PRH1: variants seen among roughly 807,000 people sequenced by gnomAD.
PRH1 encodes the protein proline rich protein HaeIII subfamily 1.
PRH1 carries 7 observed loss-of-function variants against 7.9 expected under a neutral mutation model. The ratio of observed to expected loss-of-function variants is 0.89; its 90% confidence interval spans 0.50 to 1.67. The LOEUF (loss-of-function observed/expected upper bound fraction) is 1.67, where lower values mean the gene tolerates loss of function less well. PRH1 is among the 40% of genes most tolerant of loss of function. The probability of loss-of-function intolerance (pLI) is 0.00; values close to 1 mark genes in which losing one functional copy is unlikely to be tolerated. For missense variants in PRH1, 109 were observed against 223.6 expected (o/e 0.49, Z 3.27); for synonymous variants, 45 against 80.8 (o/e 0.56, Z 2.38).
intron 2 of PRH1, among the ~76,000 whole-genome samples, chr12:10,900,455 G>T (rs1368790749): frequency 1.3e-5 from 2 of 152,130 alleles, no homozygotes; most frequent in South Asian, 2.1e-4. Flanking sequence ...TTTAGTCTTG[G>T]GCCAGATATT....
intron 1 of PRH1, among the ~76,000 whole-genome samples, chr12:11,024,721 C>G (rs1282480744): frequency 6.8e-6 from 1 of 146,596 alleles, no homozygotes; most frequent in African/African-American, 2.5e-5. Flanking sequence ...ATTTTTTGAG[C>G]TTTTATGAAT....
chr12:10,948,549 T>A (rs1950522356), intron 2 of PRH1, among the ~76,000 whole-genome samples: 1 of 152,200 alleles, frequency 6.6e-6, no homozygotes. Flanking sequence ...TGATTCTTAT[T>A]TTCCTTGGAT....
intron 1 of PRH1, among the ~76,000 whole-genome samples, chr12:11,025,527 G>A (rs1279742049): frequency 2.6e-5 from 4 of 152,262 alleles, no homozygotes; most frequent in African/African-American, 9.7e-5. Flanking sequence ...ATGTTAATTT[G>A]GTTTTAGTTA....
chr12:11,064,103 T>A (rs753226593), intron 1 of PRH1, among the ~76,000 whole-genome samples: 11 of 152,112 alleles, frequency 7.2e-5, no homozygotes, highest in Non-Finnish European at 1.2e-4. Context: ...TCCACCTCCA[T>A]GCCACTTTCC....
chr12:11,063,778 T>C (rs773114224), intron 1 of PRH1, among the ~76,000 whole-genome samples: 7 of 152,042 alleles, frequency 4.6e-5, no homozygotes, highest in East Asian at 1.9e-4. Context: ...AAGAAATCCA[T>C]TGGAAAGTTC....
At chr12:11,095,818 T>C (rs937648946) in intron 1 of PRH1, among the ~76,000 whole-genome samples, 2 of 115,482 alleles carry the variant, frequency 1.7e-5, no homozygotes, top group African/African-American at 5.8e-5. Flanking sequence ...ACAAAAATAA[T>C]AATAATAATA....
intron 2 of PRH1, among the ~76,000 whole-genome samples, chr12:10,893,597 A>G (rs946481602): frequency 6.6e-6 from 1 of 152,244 alleles, no homozygotes; most frequent in Non-Finnish European, 1.5e-5. Flanking sequence ...TCCTTTGCAC[A>G]TGGAAATCTC....
intron 2 of PRH1, among the ~76,000 whole-genome samples, chr12:10,971,963 G>A (rs972332753): frequency 6.6e-6 from 1 of 151,964 alleles, no homozygotes; most frequent in East Asian, 1.9e-4. Context: ...TTTTCATGAA[G>A]TTTCAAATTC....
chr12:11,065,111 T>C (rs948011828), intron 1 of PRH1, among the ~76,000 whole-genome samples: 3 of 152,120 alleles, frequency 2.0e-5, no homozygotes, highest in Non-Finnish European at 2.9e-5. Context: ...TTTCTGTTTA[T>C]CAAGGTCTAT....
chr12:10,960,634 G>A (rs1367234182), intron 2 of PRH1, among the ~76,000 whole-genome samples: 1 of 152,068 alleles, frequency 6.6e-6, no homozygotes, highest in Non-Finnish European at 1.5e-5. Context: ...AGTTTAATTG[G>A]CATTTTGCAA....
At chr12:11,061,961 T>G (rs1943625625) in intron 1 of PRH1, 2 of 1,613,976 alleles carry the variant, frequency 1.2e-6, no homozygotes, top group Middle Eastern at 1.6e-4. Flanking sequence ...TTGGAGAAAT[T>G]GGCAATCTTG....
chr12:10,969,486 T>G (rs138123076), intron 2 of PRH1, among the ~76,000 whole-genome samples: 1 of 152,316 alleles, frequency 6.6e-6, no homozygotes, highest in South Asian at 2.1e-4. Flanking sequence ...CCCAGCCTCC[T>G]GCTCCTATCA....
At chr12:11,160,077 CA>C (rs1288992249) in intron 1 of PRH1, among the ~76,000 whole-genome samples, 1 of 152,140 alleles carries the variant, frequency 6.6e-6, no homozygotes, top group Non-Finnish European at 1.5e-5. Flanking sequence ...AATGAGAGAT[CA>C]TTTTTCACTA....
chr12:10,964,453 GCA>G, intron 2 of PRH1: 1 of 247,042 alleles, frequency 4.0e-6, no homozygotes, highest in Non-Finnish European at 8.8e-6. Flanking sequence ...CTTTTACTCA[GCA>G]CTTAATCTGA....
chr12:10,962,331 C>T (rs1180155519), intron 2 of PRH1, among the ~76,000 whole-genome samples: 1 of 152,186 alleles, frequency 6.6e-6, no homozygotes, highest in Non-Finnish European at 1.5e-5. Context: ...TATCAGAATA[C>T]AAATATATCA....
intron 2 of PRH1, among the ~76,000 whole-genome samples, chr12:10,903,065 C>T (rs1035960384): frequency 2.0e-5 from 3 of 152,046 alleles, no homozygotes; most frequent in African/African-American, 7.2e-5. Flanking sequence ...CACAGAGTGA[C>T]AAATTCAATA....
chr12:10,901,379 G>C (rs538726355), intron 2 of PRH1, among the ~76,000 whole-genome samples: 4 of 152,288 alleles, frequency 2.6e-5, no homozygotes, highest in Admixed American at 1.3e-4. Context: ...TGGAGCCGAG[G>C]GGGTTACCTA....
chr12:11,151,942 T>G (rs528367707), intron 1 of PRH1, among the ~76,000 whole-genome samples: 48 of 152,050 alleles, frequency 3.2e-4, no homozygotes, highest in African/African-American at 1.0e-3. Flanking sequence ...ATGTCATATT[T>G]TTTTTTTCAT....
At chr12:10,903,061 G>A (rs1251772859) in intron 2 of PRH1, among the ~76,000 whole-genome samples, 2 of 152,082 alleles carry the variant, frequency 1.3e-5, no homozygotes, top group Non-Finnish European at 2.9e-5. Context: ...AAGTCACAGA[G>A]TGACAAATTC....
Sources: gnomAD v4.1 joint callset for allele counts (sites outside exome capture counted in the v4.1 genomes callset) on GRCh38, gnomAD v4.1.1 for gene constraint, MANE v1.5 for transcripts, NCBI Gene and HGNC (gene_info 2026-07-23, HGNC 2026-07-21) for gene names.